Variants in THSD7B observed in about 807,000 individuals in gnomAD.
THSD7B encodes the protein thrombospondin type-1 domain-containing protein 7B.
Under a neutral mutation model 213.6 loss-of-function variants are expected in THSD7B, and 138 were observed. That is an observed-to-expected ratio of 0.65 (90% confidence interval 0.56 to 0.74). THSD7B has a LOEUF of 0.74. Among genes scored for constraint, THSD7B ranks in the 30% least tolerant of loss-of-function variants. The pLI, the probability that THSD7B is intolerant of heterozygous loss-of-function variation, is 0.00. For missense variants in THSD7B, 1,931 were observed against 1,991.5 expected, an observed-to-expected ratio of 0.97 and a Z score of 0.58; for synonymous variants, 742 against 687.0, an observed-to-expected ratio of 1.08 and a Z score of -1.25.
intron 15 of THSD7B, among the ~76,000 whole-genome samples, chr2:137,532,648 G>A (rs1318612390): frequency 1.3e-5 from 2 of 151,752 alleles, no homozygotes; most frequent in African/African-American, 2.4e-5. Context: ...CTCGGAGTTT[G>A]TTTCAAGATT....
chr2:136,910,110 A>T (rs1229019691), intron 2 of THSD7B, among the ~76,000 whole-genome samples: 2 of 152,150 alleles, frequency 1.3e-5, no homozygotes, highest in Non-Finnish European at 2.9e-5. Flanking sequence ...ATGGAGAAAG[A>T]AGAGTCCAAT....
At chr2:136,767,162 A>G (rs1438292172) in intron 1 of THSD7B, among the ~76,000 whole-genome samples, 1 of 152,076 alleles carries the variant, frequency 6.6e-6, no homozygotes, top group East Asian at 1.9e-4. Flanking sequence ...TGTGCTCTTG[A>G]CTGTCTACTC....
Position 137,642,809 on chromosome 2 carries a change from G to T in THSD7B, c.3945+176G>T, listed in dbSNP as rs1335348461. On this transcript the variant is annotated intron_variant, in intron 21 of 27. Coordinates refer to ENST00000409968, the MANE Select transcript of THSD7B (RefSeq NM_001316349.2). ...ACCAAATGGCTTAACCTCATGCAGA[G>T]TGATATTGCTAGGGTAATAAACAGC... 2.0e-5 allele frequency among the ~76,000 whole-genome samples: 3 copies of T among 152,318 alleles called. No homozygotes were observed. The East Asian group carries it at 5.8e-4, about 29-fold the overall frequency.
At chr2:137,251,268 G>T (rs757827632) in intron 10 of THSD7B, among the ~76,000 whole-genome samples, 1 of 152,178 alleles carries the variant, frequency 6.6e-6, no homozygotes, top group Non-Finnish European at 1.5e-5. Context: ...CACAGAGTGT[G>T]TGAGACTTAG....
chr2:137,364,087 A>G (rs573560150), intron 12 of THSD7B, among the ~76,000 whole-genome samples: 1 of 152,352 alleles, frequency 6.6e-6, no homozygotes, highest in East Asian at 1.9e-4. Flanking sequence ...CTGGTTCAAC[A>G]TACGCAAATC....
intron 6 of THSD7B, among the ~76,000 whole-genome samples, chr2:137,160,652 C>A (rs1271175479): frequency 1.3e-5 from 2 of 152,126 alleles, no homozygotes; most frequent in Non-Finnish European, 2.9e-5. Context: ...AAGATGAGGT[C>A]TTGCTCTGTC....
rs146936588 is a variant in THSD7B, at chr2:137,531,105, T to G, written c.3139-32116T>G. On this transcript the variant is annotated intron_variant, in intron 15 of 27. Transcript: ENST00000409968. Reference sequence around the variant, plus strand: ...GCGGACAGAAAATAAAATAAAATCATAGTAAACAGGCTCACTCTAGTAGGG... The same window carrying G: ...GCGGACAGAAAATAAAATAAAATCAGAGTAAACAGGCTCACTCTAGTAGGG... 1.1e-3 allele frequency among the ~76,000 whole-genome samples: 163 copies of G among 152,066 alleles called. No homozygotes were observed. In the Middle Eastern group the frequency reaches 0.014, roughly 13 times the overall value.
chr2:136,912,035 G>A (rs973890363), intron 2 of THSD7B, among the ~76,000 whole-genome samples: 1 of 151,962 alleles, frequency 6.6e-6, no homozygotes, highest in African/African-American at 2.4e-5. Context: ...AGAAAGGAGG[G>A]GCCAGGTGCA....
intron 11 of THSD7B, among the ~76,000 whole-genome samples, chr2:137,274,808 G>A (rs571440637): frequency 1.3e-5 from 2 of 152,170 alleles, no homozygotes; most frequent in South Asian, 2.1e-4. Flanking sequence ...ATCTATGCAT[G>A]TATAAAGTAA....
intron 3 of THSD7B, among the ~76,000 whole-genome samples, chr2:137,060,194 T>C (rs1295364180): frequency 6.6e-6 from 1 of 152,142 alleles, no homozygotes; most frequent in Non-Finnish European, 1.5e-5. Context: ...AGATGTTTTG[T>C]CTATTTTTTA....
intron 12 of THSD7B, among the ~76,000 whole-genome samples, chr2:137,298,880 G>T (rs576652741): frequency 3.5e-4 from 54 of 152,310 alleles, no homozygotes; most frequent in African/African-American, 1.2e-3. Context: ...GGGCCCTCAT[G>T]GAGAACCTCT....
chr2:137,310,217 C>T (rs1308736689), intron 12 of THSD7B, among the ~76,000 whole-genome samples: 1 of 152,152 alleles, frequency 6.6e-6, no homozygotes, highest in East Asian at 1.9e-4. Flanking sequence ...GAAATGTTAT[C>T]TCACTGTGGT....
chr2:136,855,621 ATTTATTTATTTAT>A (rs1261399990), intron 1 of THSD7B, among the ~76,000 whole-genome samples: 19 of 142,500 alleles, frequency 1.3e-4, no homozygotes, highest in Non-Finnish European at 2.2e-4. Flanking sequence ...TTATTTATTT[ATTTATTTATTTAT>A]TTATTTTTTG....
intron 2 of THSD7B, among the ~76,000 whole-genome samples, chr2:137,028,756 G>C (rs1170423709): frequency 6.6e-6 from 1 of 152,210 alleles, no homozygotes; most frequent in Admixed American, 6.5e-5. Context: ...GATGCTGGAG[G>C]TTTCCCAGAG....
chr2:137,341,994 A>G (rs2104908291), intron 12 of THSD7B, among the ~76,000 whole-genome samples: 1 of 151,518 alleles, frequency 6.6e-6, no homozygotes, highest in East Asian at 1.9e-4. Flanking sequence ...GTTGCTCCAT[A>G]TGAATTTTAG....
chr2:137,675,714 A>C (rs1036331144), intron 27 of THSD7B, among the ~76,000 whole-genome samples: 2 of 152,140 alleles, frequency 1.3e-5, no homozygotes, highest in East Asian at 3.9e-4. Flanking sequence ...AAAGCATGGA[A>C]GGTTGGAGAC....
chr2:137,632,486 C>A (rs1018991334), intron 20 of THSD7B, among the ~76,000 whole-genome samples: 1 of 152,180 alleles, frequency 6.6e-6, no homozygotes, highest in Non-Finnish European at 1.5e-5. Context: ...CTCTCACCTT[C>A]TTGCATCCCA....
chr2:137,453,326 C>CTTTTTTTT lies in THSD7B; in HGVS notation c.3138+2317_3138+2324dup, dbSNP rs70978223. Reference sequence around the variant, plus strand: ...CTCTGCTGAGAACATTTGAAATTTACTTTTTTTTTTTTTTTTTTTTTGAGA... The same window carrying CTTTTTTTT: ...CTCTGCTGAGAACATTTGAAATTTACTTTTTTTTTTTTTTTTTTTTTTTTTTTTTGAGA... On this transcript the variant is annotated intron_variant, in intron 15 of 27. Coordinates refer to ENST00000409968, the MANE Select transcript of THSD7B (RefSeq NM_001316349.2). Among the ~76,000 whole-genome samples, 13 of 96,854 alleles carry CTTTTTTTT rather than the reference C, an allele frequency of 1.3e-4. 2 individuals are homozygous for CTTTTTTTT. The highest frequency in any genetic ancestry group is 1.8e-4 in the Non-Finnish European group (10 of 54,846). The allele number at this position is 96,854 out of a possible 152,430, so 63.5% of individuals were successfully genotyped here. A position where few individuals can be genotyped will look rare whatever the true frequency, so the allele number is the denominator to read the frequency against.
At chr2:137,373,870 T>C (rs1685591206) in intron 12 of THSD7B, among the ~76,000 whole-genome samples, 1 of 152,224 alleles carries the variant, frequency 6.6e-6, no homozygotes, top group South Asian at 2.1e-4. Flanking sequence ...TGAATTAATT[T>C]TTGTATAAGT....
Sources: gnomAD v4.1 joint callset for allele counts (sites outside exome capture counted in the v4.1 genomes callset) on GRCh38, gnomAD v4.1.1 for gene constraint, MANE v1.5 for transcripts, NCBI Gene and HGNC (gene_info 2026-07-23, HGNC 2026-07-21) for gene names.